The following PISD variants were observed in gnomAD, a reference collection of about 807,000 sequenced individuals.
PISD encodes phosphatidylserine decarboxylase, also known as phosphatidylserine decarboxylase proenzyme, mitochondrial.
A neutral mutation model predicts 43.5 loss-of-function variants in PISD; 31 were observed. The observed-to-expected ratio is 0.71, with a 90% CI of 0.54 to 0.96. PISD has a LOEUF of 0.96. Ranked by LOEUF, PISD falls within the 40% of genes least tolerant of loss-of-function variation. PISD has a pLI of 0.00. For missense variants in PISD, 523 were observed against 548.4 expected (o/e 0.95, Z 0.46); for synonymous variants, 259 against 228.7 (o/e 1.13, Z -1.20).
intron 3 of PISD, among the ~76,000 whole-genome samples, chr22:31,636,876 C>A (rs934648251): frequency 2.0e-5 from 3 of 151,476 alleles, no homozygotes; most frequent in Admixed American, 6.6e-5. Context: ...CGGGGTTTCA[C>A]CATGTTGGCC....
intron 3 of PISD, among the ~76,000 whole-genome samples, chr22:31,644,757 G>A (rs2073835861): frequency 1.3e-5 from 2 of 152,176 alleles, no homozygotes; most frequent in African/African-American, 2.4e-5. Context: ...CAAAATCAGA[G>A]ACTTTTTGAG....
intron 1 of PISD, among the ~76,000 whole-genome samples, chr22:31,651,394 C>T (rs1327862130): frequency 6.6e-6 from 1 of 152,178 alleles, no homozygotes; most frequent in African/African-American, 2.4e-5. Flanking sequence ...GCAAATAGGG[C>T]TGACATTTGA....
intron 3 of PISD, among the ~76,000 whole-genome samples, chr22:31,631,620 G>A (rs942974504): frequency 2.0e-5 from 3 of 152,276 alleles, no homozygotes; most frequent in East Asian, 1.9e-4. Context: ...CCTAGTCTGC[G>A]GCTTGGCAGT....
At chr22:31,653,162 C>A (rs1395639391) in intron 1 of PISD, among the ~76,000 whole-genome samples, 1 of 151,938 alleles carries the variant, frequency 6.6e-6, no homozygotes, top group Non-Finnish European at 1.5e-5. Context: ...ACGAGCACCA[C>A]CCCCAAGGCC....
At chr22:31,621,609 A>G (rs778161259) in intron 4 of PISD, 40 bp downstream of exon 4, 21 of 1,603,930 alleles carry the variant, frequency 1.3e-5, no homozygotes, top group Admixed American at 5.0e-5. Flanking sequence ...GAGGCAGGAA[A>G]AAGTCCTGTT....
intron 1 of PISD, among the ~76,000 whole-genome samples, chr22:31,661,472 G>T (rs2074314248): frequency 6.6e-6 from 1 of 152,152 alleles, no homozygotes; most frequent in Admixed American, 6.6e-5. Context: ...CGGGCAGCCT[G>T]AGAGAAAGAT....
At chr22:31,657,088 C>T (rs967154383) in intron 1 of PISD, among the ~76,000 whole-genome samples, 1 of 152,186 alleles carries the variant, frequency 6.6e-6, no homozygotes, top group Non-Finnish European at 1.5e-5. Flanking sequence ...TCTATCCCCT[C>T]AAGCATTTAA....
At chr22:31,637,623 C>T (rs182672659) in intron 3 of PISD, among the ~76,000 whole-genome samples, 1 of 152,108 alleles carries the variant, frequency 6.6e-6, no homozygotes, top group African/African-American at 2.4e-5. Context: ...TGACTGAGGA[C>T]CTGAGAACTC....
chr22:31,627,078 C>G (rs1041868759), intron 3 of PISD, among the ~76,000 whole-genome samples: 1 of 152,250 alleles, frequency 6.6e-6, no homozygotes, highest in Non-Finnish European at 1.5e-5. Context: ...AGATTCCGCC[C>G]GGGAACCTGC....
At chr22:31,643,632 C>T (rs376344775) in intron 3 of PISD, among the ~76,000 whole-genome samples, 8 of 152,080 alleles carry the variant, frequency 5.3e-5, no homozygotes, top group Admixed American at 6.6e-5. Flanking sequence ...AAAACTGGCC[C>T]GGCACAGTGG....
intron 3 of PISD, chr22:31,632,212 A>C: frequency 1.0e-6 from 1 of 985,082 alleles, no homozygotes; most frequent in African/African-American, 1.7e-5. Context: ...GTGCCACATG[A>C]CAAGCCACAG....
At chr22:31,660,845 TG>T (rs2074296187) in intron 1 of PISD, among the ~76,000 whole-genome samples, 1 of 152,160 alleles carries the variant, frequency 6.6e-6, no homozygotes, top group Non-Finnish European at 1.5e-5. Flanking sequence ...GCAATTCTCC[TG>T]CCTCAGCCTC....
intron 3 of PISD, chr22:31,626,043 A>G: frequency 7.0e-7 from 1 of 1,426,700 alleles, no homozygotes; most frequent in South Asian, 1.5e-5. Flanking sequence ...GGCACTGGTC[A>G]CACACCTGCT....
At chr22:31,621,163 T>G (rs757405314) in intron 5 of PISD, 21 bp from the exon 6 acceptor site, 1 of 1,613,756 alleles carries the variant, frequency 6.2e-7, no homozygotes, top group Middle Eastern at 1.7e-4. Flanking sequence ...GGAGCAGACG[T>G]GGGGGCCACC....
chr22:31,654,416 A>G (rs2074110961), intron 1 of PISD, among the ~76,000 whole-genome samples: 1 of 152,150 alleles, frequency 6.6e-6, no homozygotes, highest in Non-Finnish European at 1.5e-5. Context: ...TTAAAGAACC[A>G]TCCACTGATG....
chr22:31,620,746 C>A (rs751223803), intron 6 of PISD, 33 bp from the exon 7 acceptor site: 2 of 1,612,188 alleles, frequency 1.2e-6, no homozygotes, highest in South Asian at 1.1e-5. Context: ...TACTCCCCGT[C>A]CAGAGCCCGG....
intron 3 of PISD, among the ~76,000 whole-genome samples, chr22:31,645,229 CCT>C (rs138962064): frequency 0.016 from 2,476 of 152,204 alleles, 23 homozygotes; most frequent in Middle Eastern, 0.034. Flanking sequence ...AAATGAGACC[CCT>C]GTTTCCACAA....
chr22:31,630,864 C>T lies in PISD; in HGVS notation c.322-8979G>A, dbSNP rs574315269. 6.4e-4 allele frequency: 634 copies of T among 985,522 alleles called. 1 individual carries two copies. In the African/African-American group the frequency reaches 0.011, roughly 17 times the overall value. The allele number at this position is 985,522 out of a possible 1,614,324, so 61.0% of individuals were successfully genotyped here. On this transcript the variant is annotated intron_variant, in intron 3 of 7. Coordinates refer to ENST00000439502, the MANE Select transcript of PISD (RefSeq NM_001326411.2). This position sits in a 1 kb window ranked among gnomAD's most constrained non-coding sequence, Gnocchi z 4.4. Reference sequence around the variant, plus strand: ...TAGGGGCGCTCCCGGAGCCGGGAAGCCTTGGGGCGAGTGGGCGGGGCTCGG... The same window carrying T: ...TAGGGGCGCTCCCGGAGCCGGGAAGTCTTGGGGCGAGTGGGCGGGGCTCGG...
intron 2 of PISD, among the ~76,000 whole-genome samples, chr22:31,650,463 G>A (rs1366565836): frequency 6.6e-6 from 1 of 151,532 alleles, no homozygotes; most frequent in Non-Finnish European, 1.5e-5. Context: ...CCAGGAGGTG[G>A]AGGTTTAGTA....
Sources: gnomAD v4.1 joint callset for allele counts (sites outside exome capture counted in the v4.1 genomes callset) on GRCh38, gnomAD v4.1.1 for gene constraint, Gnocchi (gnomAD v3.1) non-coding constraint, MANE v1.5 for transcripts, NCBI Gene and HGNC (gene_info 2026-07-23, HGNC 2026-07-21) for gene names.